LRTM1: variants seen among roughly 807,000 people sequenced by gnomAD.
LRTM1 encodes leucine rich repeat transmembrane protein 1.
In LRTM1, 38 loss-of-function variants were observed where a neutral mutation model predicts 32.4. That is an observed-to-expected ratio of 1.17 (90% CI 0.91 to 1.54). LRTM1 has a LOEUF of 1.54. LRTM1 is among the 40% of genes most tolerant of loss of function. LRTM1 has a pLI of 0.00. For synonymous variants in LRTM1, 186 were observed against 169.9 expected (o/e 1.09, Z -0.74); for missense variants, 466 against 415.4 (o/e 1.12, Z -1.06).
rs1700713341 is a variant in LRTM1 at position 54,918,312 on chromosome 3, C to T, written c.*147G>A. 4 of 774,608 alleles carry T rather than the reference C, an allele frequency of 5.2e-6. No individual in the cohort carries two copies. Among genetic ancestry groups the T allele is most frequent in the Non-Finnish European group, 8.0e-6 (4 of 496,920 alleles). 48.0% of individuals were successfully genotyped at this position (774,608 alleles called of 1,614,324 possible). On this transcript the variant is annotated 3_prime_UTR_variant, in exon 3 of 3. Coordinates refer to ENST00000273286, the MANE Select transcript of LRTM1 (RefSeq NM_020678.4). ...AATTCCTCCCCAGAAATATTTTTTA[C>T]AGACACATCTTTTTTTTTTCTTTTT...
chr3:54,924,246 C>A (rs566578201), intron 2 of LRTM1, among the ~76,000 whole-genome samples: 1 of 152,160 alleles, frequency 6.6e-6, no homozygotes, highest in Non-Finnish European at 1.5e-5. Flanking sequence ...AGAGAGATAA[C>A]CATACCCACA....
chr3:54,965,207 A>C (rs1702121660), intron 1 of LRTM1, among the ~76,000 whole-genome samples: 1 of 151,240 alleles, frequency 6.6e-6, no homozygotes, highest in Admixed American at 6.7e-5. Context: ...TTACAAAAAG[A>C]GGCTGGATTT....
chr3:54,957,138 C>T (rs1487899918), intron 1 of LRTM1, among the ~76,000 whole-genome samples: 2 of 150,836 alleles, frequency 1.3e-5, no homozygotes, highest in Non-Finnish European at 2.9e-5. Flanking sequence ...TGATATAATT[C>T]CTATGAATCA....
At chr3:54,919,937 G>C (rs1038759489) in intron 2 of LRTM1, among the ~76,000 whole-genome samples, 2 of 152,116 alleles carry the variant, frequency 1.3e-5, no homozygotes, top group East Asian at 3.9e-4. Context: ...TCTCAGGAGC[G>C]TTGTGAGGTC....
intron 2 of LRTM1, 102 bp from the exon 3 acceptor site, chr3:54,918,994 C>A: frequency 1.1e-6 from 1 of 871,174 alleles, no homozygotes; most frequent in South Asian, 3.3e-5. Flanking sequence ...TTATGAAGTA[C>A]CTTTTTTTTT....
chr3:54,935,838 T>C (rs1330750975), intron 1 of LRTM1, among the ~76,000 whole-genome samples: 1 of 152,240 alleles, frequency 6.6e-6, no homozygotes, highest in Admixed American at 6.5e-5. Context: ...ATGAGTTCTT[T>C]GATATATACA....
At chr3:54,957,994 C>T (rs1320829499) in intron 1 of LRTM1, among the ~76,000 whole-genome samples, 1 of 152,156 alleles carries the variant, frequency 6.6e-6, no homozygotes, top group Admixed American at 6.5e-5. Flanking sequence ...GAGCAAACTC[C>T]CTGAGAATAA....
chr3:54,958,727 A>G (rs1347118399), intron 1 of LRTM1, among the ~76,000 whole-genome samples: 3 of 152,214 alleles, frequency 2.0e-5, no homozygotes, highest in Non-Finnish European at 4.4e-5. Context: ...AGGGCTAAGT[A>G]TGCAACAGAG....
chr3:54,957,782 T>C (rs970183182), intron 1 of LRTM1, among the ~76,000 whole-genome samples: 1 of 152,084 alleles, frequency 6.6e-6, no homozygotes, highest in African/African-American at 2.4e-5. Context: ...TCTCACCCGG[T>C]AGGATGAGCA....
upstream of LRTM1, among the ~76,000 whole-genome samples, chr3:54,932,802 G>A (rs952828623): frequency 7.9e-5 from 12 of 152,314 alleles, no homozygotes; most frequent in African/African-American, 9.6e-5. Flanking sequence ...GTGGTATGGC[G>A]ATCTAATGCC....
In LRTM1 at chr3:54,927,748, G is replaced by A. The variant is rs112849991; in HGVS notation, c.7+157C>T. 4.8e-3 allele frequency among the ~76,000 whole-genome samples: 726 copies of A among 152,152 alleles called. 8 individuals carry two copies. The highest frequency in any genetic ancestry group is 0.016 in the African/African-American group (675 of 41,516). ...CCCTCTTCCTCTGCACCCAACATGC[G>A]CAAACATAAATCATTCCATGCAGAG... is the stretch of plus-strand genomic sequence containing the variant. On this transcript the variant is annotated intron_variant, in intron 1 of 2. Transcript: ENST00000273286.
Position 54,918,332 on chromosome 3 carries a change from C to CTTTTTT in LRTM1, c.*121_*126dup, listed in dbSNP as rs533596688. 2,753 of 227,982 alleles carry CTTTTTT rather than the reference C, an allele frequency of 0.012. 837 individuals are homozygous for CTTTTTT. Among genetic ancestry groups the CTTTTTT allele is most frequent in the South Asian group, 0.022 (389 of 17,320 alleles). The allele number at this position is 227,982 out of a possible 1,614,324, so 14.1% of individuals were successfully genotyped here. A position where few individuals can be genotyped will look rare whatever the true frequency, so the allele number is the denominator to read the frequency against. ...TTTTACAGACACATCTTTTTTTTTT[C>CTTTTTT]TTTTTTTTTTTTTTTTTTTTTTTGT... On this transcript the variant is annotated 3_prime_UTR_variant, in exon 3 of 3. Coordinates refer to ENST00000273286, the MANE Select transcript of LRTM1 (RefSeq NM_020678.4).
chr3:54,963,375 C>T (rs73845236), intron 1 of LRTM1, among the ~76,000 whole-genome samples: 2 of 152,232 alleles, frequency 1.3e-5, no homozygotes, highest in South Asian at 2.1e-4. Context: ...CACTGGTCAT[C>T]GTCCAGTAGA....
intron 1 of LRTM1, among the ~76,000 whole-genome samples, chr3:54,961,661 T>C (rs1321998600): frequency 6.6e-6 from 1 of 152,142 alleles, no homozygotes; most frequent in Non-Finnish European, 1.5e-5. Context: ...GGTGGCCTGA[T>C]TGATGTGCAC....
intron 1 of LRTM1, among the ~76,000 whole-genome samples, chr3:54,962,496 A>G (rs975683053): frequency 6.6e-6 from 1 of 152,184 alleles, no homozygotes; most frequent in African/African-American, 2.4e-5. Flanking sequence ...TGACAACACT[A>G]TCAACTAGTT....
chr3:54,948,377 C>T (rs186219393), intron 1 of LRTM1, among the ~76,000 whole-genome samples: 71 of 152,306 alleles, frequency 4.7e-4, no homozygotes, highest in African/African-American at 1.7e-3. Context: ...AATTAAAATG[C>T]TCCCAAGAGG....
rs200994023 is a variant in LRTM1, at chr3:54,918,638, C to A, written c.859G>T (p.Ala287Ser). ...PRPANLRHAI[A>S]TVIITGVVCG... The stretch of plus-strand genomic sequence containing the variant: ...ACAACGCCAGTGATGATGACAGTGG[C>A]AATGGCATGACGCAGGTTGGCCGGC... Residue 287 changes from alanine to serine, a missense_variant, in exon 3 of 3, where the codon GCC becomes TCC. Coordinates refer to ENST00000273286, the MANE Select transcript of LRTM1 (RefSeq NM_020678.4). 9.1e-5 allele frequency: 147 copies of A among 1,614,068 alleles called. 1 individual carries two copies. Among genetic ancestry groups the A allele is most frequent in the Non-Finnish European group, 6.4e-5 (76 of 1,180,036 alleles).
chr3:54,939,517 A>C (rs1487025826), intron 1 of LRTM1, among the ~76,000 whole-genome samples: 1 of 152,234 alleles, frequency 6.6e-6, no homozygotes, highest in Non-Finnish European at 1.5e-5. Flanking sequence ...GCAGGGCCAC[A>C]GGGAAAAGAG....
Position 54,924,919 on chromosome 3 carries a change from C to T in LRTM1, c.304G>A (p.Val102Ile). 6.2e-7 allele frequency: 1 copy of T among 1,613,116 alleles called. No individual in the cohort carries two copies. The highest frequency in any genetic ancestry group is 8.5e-7 in the Non-Finnish European group (1 of 1,179,160). Residue 102 changes from valine (V) to isoleucine (I), a missense_variant, in exon 2 of 3, where the codon GTT becomes ATT. Physicochemically the swap from Val to Ile is conservative, Grantham distance 29 (BLOSUM62 3). Transcript: ENST00000273286. ...GAFHGLQHLQ[V>I]LNLTQNSLLS... ...AGTGAATTCTGGGTTAGATTTAAAA[C>T]CTGCAAGTGCTGAAGCCCATGGAAA...
Sources: allele counts gnomAD v4.1 joint callset (sites outside exome capture counted in the v4.1 genomes callset), GRCh38; gene constraint gnomAD v4.1.1; transcripts MANE v1.5; gene names NCBI Gene and HGNC (gene_info 2026-07-23, HGNC 2026-07-21).